The following NCALD variants were observed in gnomAD, a reference collection of about 807,000 sequenced individuals.
The protein encoded by NCALD is neurocalcin-delta.
In NCALD, 10 loss-of-function variants were observed where a neutral mutation model predicts 18.6. The ratio of observed to expected loss-of-function variants is 0.54; its 90% CI spans 0.33 to 0.91. The LOEUF is 0.91. Ranked by LOEUF, NCALD falls within the 40% of genes least tolerant of loss-of-function variation. The pLI is 0.03. For missense variants in NCALD, 184 were observed against 247.6 expected, an observed-to-expected ratio of 0.74 and a Z score of 1.72; for synonymous variants, 88 against 87.4, an observed-to-expected ratio of 1.01 and a Z score of -0.04.
At chr8:101,751,332 G>A (rs146082361) in intron 1 of NCALD, among the ~76,000 whole-genome samples, 1 of 152,122 alleles carries the variant, frequency 6.6e-6, no homozygotes, top group Non-Finnish European at 1.5e-5. Flanking sequence ...ACCAGGGACT[G>A]GGATGTCGGG....
At chr8:101,785,879 A>C (rs780162826) in intron 1 of NCALD, 1 of 152,222 alleles carries the variant, frequency 6.6e-6, no homozygotes, top group Non-Finnish European at 1.5e-5. Flanking sequence ...ACTGATGGGA[A>C]CAGATTGCTC....
intron 2 of NCALD, among the ~76,000 whole-genome samples, chr8:101,977,561 C>A (rs1820469087): frequency 6.6e-6 from 1 of 152,188 alleles, no homozygotes; most frequent in Admixed American, 6.5e-5. Context: ...TGGGGCTTGG[C>A]CCCTTAGACA....
intron 3 of NCALD, among the ~76,000 whole-genome samples, chr8:101,889,564 A>G (rs777030877): frequency 2.0e-5 from 3 of 152,242 alleles, no homozygotes; most frequent in Admixed American, 6.5e-5. Context: ...TCTGAGACAT[A>G]GCTCAAATGG....
rs1320134988 is a variant in NCALD at position 101,822,713 on chromosome 8, G to C, written c.-20+64428C>G. Among the ~76,000 whole-genome samples, 4 of 152,194 alleles carry C rather than the reference G, an allele frequency of 2.6e-5. No homozygotes were observed. In the East Asian group the frequency reaches 7.7e-4, roughly 29 times the overall value. ...AGCTCCTGCAGCCTTTGTAATTCCA[G>C]CAGGCAGAAACAGGAGGTTCCAAAA... On this transcript the variant is annotated intron_variant, in intron 4 of 6. Transcript: ENST00000311028.
intron 2 of NCALD, among the ~76,000 whole-genome samples, chr8:101,707,902 A>T (rs575144296): frequency 4.6e-4 from 69 of 151,558 alleles, no homozygotes; most frequent in African/African-American, 1.3e-3. Flanking sequence ...AAATAAATAA[A>T]TAATAAATAA....
At chr8:101,893,721 C>G (rs1817018312) in intron 3 of NCALD, among the ~76,000 whole-genome samples, 1 of 133,974 alleles carries the variant, frequency 7.5e-6, no homozygotes. Flanking sequence ...ATCCTAGTCT[C>G]TGATAAAACA....
intron 4 of NCALD, among the ~76,000 whole-genome samples, chr8:101,812,128 G>A (rs547283603): frequency 2.7e-4 from 41 of 152,168 alleles, no homozygotes; most frequent in African/African-American, 8.2e-4. Context: ...TGACAACATC[G>A]GTTTTCTAAG....
At chr8:102,015,794 T>A (rs1338142966) in intron 2 of NCALD, among the ~76,000 whole-genome samples, 1 of 152,038 alleles carries the variant, frequency 6.6e-6, no homozygotes, top group Non-Finnish European at 1.5e-5. Flanking sequence ...AAAGCAGGAA[T>A]AAGAAAACAG....
chr8:102,028,316 A>G (rs1486865513), intron 1 of NCALD, among the ~76,000 whole-genome samples: 2 of 152,270 alleles, frequency 1.3e-5, no homozygotes, highest in African/African-American at 4.8e-5. Context: ...TGAAGAGAGT[A>G]TGACTACGTA....
intron 2 of NCALD, among the ~76,000 whole-genome samples, chr8:101,935,761 T>C (rs1429428264): frequency 1.3e-5 from 2 of 150,780 alleles, no homozygotes; most frequent in African/African-American, 2.4e-5. Context: ...AATTAAGCTA[T>C]AGCTTAGAGG....
At chr8:101,917,657 A>G (rs1299447822) in intron 2 of NCALD, among the ~76,000 whole-genome samples, 2 of 152,152 alleles carry the variant, frequency 1.3e-5, no homozygotes, top group Non-Finnish European at 2.9e-5. Flanking sequence ...AATGAATCCC[A>G]CAGAAATACA....
At chr8:102,056,353 G>A (rs1823649707) in intron 1 of NCALD, among the ~76,000 whole-genome samples, 1 of 152,242 alleles carries the variant, frequency 6.6e-6, no homozygotes, top group Non-Finnish European at 1.5e-5. Context: ...AAGATATGAG[G>A]AAGTCACCTG....
chr8:102,010,101 G>C (rs1211447819), intron 2 of NCALD, among the ~76,000 whole-genome samples: 2 of 152,252 alleles, frequency 1.3e-5, no homozygotes, highest in Non-Finnish European at 2.9e-5. Flanking sequence ...GGGCCCCACT[G>C]TGGGGAGAGA....
chr8:101,929,535 AAAGGAAAGGGGAGGG>A (rs1383105046), intron 2 of NCALD, among the ~76,000 whole-genome samples: 5 of 22,288 alleles, frequency 2.2e-4, no homozygotes, highest in Admixed American at 5.3e-4. Flanking sequence ...GGAGGGAGGG[AAAGGAAAGGGGAGGG>A]GGGAGGGAGG....
chr8:101,892,167 A>AGAACC lies in NCALD; in HGVS notation c.-106-4945_-106-4941dup, dbSNP rs1229489446. On this transcript the variant is annotated intron_variant, in intron 3 of 6. Transcript: ENST00000311028. ...CTCCCAGCACACAGCTGGAGATCTG[A>AGAACC]GAACCGGCAGACTGCCTCCTCAAGT... 8.6e-5 allele frequency among the ~76,000 whole-genome samples: 13 copies of AGAACC among 150,388 alleles called. No homozygotes were observed. The East Asian group carries it at 2.5e-3, about 29-fold the overall frequency.
intron 2 of NCALD, among the ~76,000 whole-genome samples, chr8:101,988,471 T>C (rs896426598): frequency 3.4e-4 from 51 of 152,172 alleles, no homozygotes; most frequent in African/African-American, 1.2e-3. Context: ...CTTGAAACAT[T>C]ATCTAGTTCA....
At chr8:102,041,696 A>T (rs574597765) in intron 1 of NCALD, among the ~76,000 whole-genome samples, 1 of 152,324 alleles carries the variant, frequency 6.6e-6, no homozygotes, top group Non-Finnish European at 1.5e-5. Context: ...AGCAATCAGA[A>T]CTGCTTTCTG....
At chr8:101,957,293 T>TTTTG (rs1326522013) in intron 2 of NCALD, among the ~76,000 whole-genome samples, 54 of 142,564 alleles carry the variant, frequency 3.8e-4, no homozygotes, top group African/African-American at 1.0e-3. Flanking sequence ...GTTGGGGTTT[T>TTTTG]TTTTTTTTTT....
At position 101,689,471 on chromosome 8, in the gene NCALD, C is replaced by G; in HGVS notation, c.485-65G>C. 10 of 1,254,150 alleles carry G rather than the reference C, an allele frequency of 8.0e-6. No homozygotes were observed. Among genetic ancestry groups the G allele is most frequent in the African/African-American group, 1.5e-5 (1 of 67,468 alleles). 77.7% of individuals were successfully genotyped at this position (1,254,150 alleles called of 1,614,324 possible). A position where few individuals can be genotyped will look rare whatever the true frequency, so the allele number is the denominator to read the frequency against. On this transcript the variant is annotated intron_variant, in intron 3 of 3. Coordinates refer to ENST00000220931, the MANE Select transcript of NCALD (RefSeq NM_032041.3). The surrounding 1 kb of genome is among the most constrained non-coding windows in gnomAD (Gnocchi z 4.4). ...GCTGCATGAGCTTACACCCTTCCCA[C>G]TACTGCGTGCTGGGCAGTGTCGATT...
Sources: allele counts gnomAD v4.1 joint callset (sites outside exome capture counted in the v4.1 genomes callset), GRCh38; gene constraint gnomAD v4.1.1; non-coding constraint Gnocchi (gnomAD v3.1); transcripts MANE v1.5; gene names NCBI Gene and HGNC (gene_info 2026-07-23, HGNC 2026-07-21).